The following ERC2 variants were observed in gnomAD, a reference collection of about 807,000 sequenced individuals.
The protein encoded by ERC2 is ELKS/RAB6-interacting/CAST family member 2.
A neutral mutation model predicts 114.8 loss-of-function variants in ERC2; 42 were observed. The ratio of observed to expected loss-of-function variants is 0.37; its 90% CI spans 0.29 to 0.47. The LOEUF (loss-of-function observed/expected upper bound fraction) is 0.47, where lower values mean the gene tolerates loss of function less well. Ranked by LOEUF, ERC2 falls within the 20% of genes least tolerant of loss-of-function variation. The pLI is 0.99. For synonymous variants in ERC2, 454 were observed against 425.5 expected (o/e 1.07, Z -0.82); for missense variants, 939 against 1,150.7 (o/e 0.82, Z 2.66).
chr3:55,704,882 G>C (rs1315341879), intron 15 of ERC2, among the ~76,000 whole-genome samples: 1 of 152,210 alleles, frequency 6.6e-6, no homozygotes, highest in Non-Finnish European at 1.5e-5. Flanking sequence ...ATAATTATGT[G>C]CCAGGCTAAG....
At chr3:56,341,012 A>G (rs905564850) in intron 2 of ERC2, among the ~76,000 whole-genome samples, 4 of 152,218 alleles carry the variant, frequency 2.6e-5, no homozygotes, top group Admixed American at 6.5e-5. Context: ...AATTTAGCTC[A>G]CTGAATGGTA....
At chr3:55,610,978 T>G (rs182195809) in intron 17 of ERC2, 12 of 152,240 alleles carry the variant, frequency 7.9e-5, no homozygotes, top group Non-Finnish European at 1.8e-4. Context: ...AACCCAAAGC[T>G]AAAAATGTGG....
intron 1 of ERC2, among the ~76,000 whole-genome samples, chr3:56,466,068 G>T (rs531541781): frequency 6.6e-6 from 1 of 152,130 alleles, no homozygotes; most frequent in African/African-American, 2.4e-5. Context: ...CTATAATTTG[G>T]GCGTAAGAAT....
intron 17 of ERC2, among the ~76,000 whole-genome samples, chr3:55,648,824 G>C (rs2060495934): frequency 6.6e-6 from 1 of 152,080 alleles, no homozygotes; most frequent in African/African-American, 2.4e-5. Context: ...ACCCCAGACT[G>C]AGAGATGCTG....
chr3:55,533,697 C>T (rs1283027526), intron 17 of ERC2, among the ~76,000 whole-genome samples: 1 of 152,198 alleles, frequency 6.6e-6, no homozygotes, highest in Non-Finnish European at 1.5e-5. Flanking sequence ...GCAAACCAAA[C>T]AGCAACACAC....
At chr3:56,261,863 C>A (rs2052953608) in intron 3 of ERC2, among the ~76,000 whole-genome samples, 1 of 152,132 alleles carries the variant, frequency 6.6e-6, no homozygotes. Flanking sequence ...TCCCTCCTCC[C>A]ACCTTCCACC....
At chr3:55,835,755 C>T (rs964990545) in intron 14 of ERC2, among the ~76,000 whole-genome samples, 9 of 151,970 alleles carry the variant, frequency 5.9e-5, no homozygotes, top group South Asian at 4.2e-4. Flanking sequence ...CTGGCCAGGG[C>T]GATTAGGCAG....
At chr3:55,534,429 C>T (rs2053863895) in intron 17 of ERC2, among the ~76,000 whole-genome samples, 1 of 150,546 alleles carries the variant, frequency 6.6e-6, no homozygotes, top group African/African-American at 2.4e-5. Context: ...CTTGGTGGCT[C>T]CCGCCTGTAA....
At chr3:55,981,377 A>C (rs1339406754) in intron 12 of ERC2, among the ~76,000 whole-genome samples, 2 of 152,222 alleles carry the variant, frequency 1.3e-5, no homozygotes, top group Non-Finnish European at 2.9e-5. Context: ...CCCCAACAGG[A>C]AAAAGGGGGA....
At chr3:55,669,138 A>T (rs1468361408) in intron 17 of ERC2, among the ~76,000 whole-genome samples, 1 of 152,158 alleles carries the variant, frequency 6.6e-6, no homozygotes, top group East Asian at 1.9e-4. Flanking sequence ...TTTCAGGTAT[A>T]ATTATATTTT....
At chr3:55,791,488 C>A (rs2070020106) in intron 14 of ERC2, among the ~76,000 whole-genome samples, 1 of 152,014 alleles carries the variant, frequency 6.6e-6, no homozygotes. Flanking sequence ...TTGTTTTTGT[C>A]CTTTAACAGC....
intron 1 of ERC2, among the ~76,000 whole-genome samples, chr3:56,441,490 TATC>T (rs1467734291): frequency 2.0e-5 from 3 of 152,250 alleles, no homozygotes; most frequent in African/African-American, 4.8e-5. Flanking sequence ...AAAATGGAAA[TATC>T]ATAATTAATA....
intron 3 of ERC2, among the ~76,000 whole-genome samples, chr3:56,213,930 T>C (rs2049262778): frequency 6.6e-6 from 1 of 152,148 alleles, no homozygotes. Context: ...CCAACAGACC[T>C]GCAGCTGAAG....
intron 14 of ERC2, chr3:55,766,602 G>A (rs1282954084): frequency 2.0e-5 from 3 of 152,176 alleles, no homozygotes; most frequent in African/African-American, 7.2e-5. Context: ...GATGGGGGAA[G>A]AGGGTGAGTG....
Position 55,602,795 on chromosome 3 carries a change from AC to A in ERC2, c.*39+80998del, listed in dbSNP as rs377706775. On this transcript the variant is annotated intron_variant, in intron 17 of 17. Coordinates refer to ENST00000288221, the MANE Select transcript of ERC2 (RefSeq NM_015576.3). Reference sequence around the variant, plus strand: ...GATCATCTTTCATTTCATGGTCTTAACCTCATGTCTCTCCTTGCCAGCTCCA... The same window carrying A: ...GATCATCTTTCATTTCATGGTCTTAACTCATGTCTCTCCTTGCCAGCTCCA... 2.5e-4 allele frequency among the ~76,000 whole-genome samples: 38 copies of A among 152,114 alleles called. 1 individual carries two copies. In the South Asian group the frequency reaches 7.9e-3, roughly 32 times the overall value.
At chr3:55,996,433 A>T (rs1182847374) in intron 10 of ERC2, among the ~76,000 whole-genome samples, 1 of 152,196 alleles carries the variant, frequency 6.6e-6, no homozygotes, top group Non-Finnish European at 1.5e-5. Context: ...ATTTAATTCC[A>T]CTGATTAAAC....
chr3:55,842,556 T>C (rs2061179115), intron 14 of ERC2, among the ~76,000 whole-genome samples: 4 of 152,298 alleles, frequency 2.6e-5, no homozygotes, highest in Admixed American at 6.5e-5. Flanking sequence ...ATTATTTCCC[T>C]GTCTAACACA....
At position 56,010,479 on chromosome 3, in the gene ERC2, A is replaced by G. The variant is rs2072834235; in HGVS notation, c.1890T>C (p.Asn630=). 6.2e-7 allele frequency: 1 copy of G among 1,613,568 alleles called. No individual in the cohort carries two copies. Among genetic ancestry groups the G allele is most frequent in the Middle Eastern group, 1.7e-4 (1 of 6,054 alleles). Residue 630 remains asparagine (N), a synonymous_variant, in exon 9 of 18, where the codon AAT becomes AAC. Coordinates refer to ENST00000288221, the MANE Select transcript of ERC2 (RefSeq NM_015576.3). ...TCTCAGTCAGTTCAGCCTGTAAAGC[A>G]TTGACCTTCTCTTTCAGGTCTTTGT... ...KENKDLKEKV[N]ALQAELTEKE...
chr3:56,457,740 C>G (rs1021640607), intron 1 of ERC2, among the ~76,000 whole-genome samples: 1 of 152,174 alleles, frequency 6.6e-6, no homozygotes, highest in African/African-American at 2.4e-5. Context: ...CCCTGAATCT[C>G]CCATTCTCTC....
Sources: allele counts gnomAD v4.1 joint callset (sites outside exome capture counted in the v4.1 genomes callset), GRCh38; gene constraint gnomAD v4.1.1; transcripts MANE v1.5; gene names NCBI Gene and HGNC (gene_info 2026-07-23, HGNC 2026-07-21).